The following LSAMP variants were observed in gnomAD, a reference collection of about 807,000 sequenced individuals.
The protein encoded by LSAMP is limbic system-associated membrane protein.
A neutral mutation model predicts 38.6 loss-of-function variants in LSAMP; 7 were observed. That is an observed-to-expected ratio of 0.18 (90% confidence interval 0.10 to 0.34). LSAMP has a LOEUF of 0.34. Ranked by LOEUF, LSAMP falls within the 10% of genes least tolerant of loss-of-function variation. The pLI, the probability that LSAMP is intolerant of heterozygous loss-of-function variation, is 1.00. For missense variants in LSAMP, 313 were observed against 420.0 expected (o/e 0.75, Z 2.23); for synonymous variants, 154 against 166.8 (o/e 0.92, Z 0.59).
chr3:115,988,992 T>G (rs575272482), intron 3 of LSAMP, among the ~76,000 whole-genome samples: 34 of 152,210 alleles, frequency 2.2e-4, no homozygotes, highest in African/African-American at 6.0e-4. Flanking sequence ...ATAGCGTTTT[T>G]CTAAATGAGA....
chr3:116,273,188 T>C (rs2046996925), intron 1 of LSAMP, among the ~76,000 whole-genome samples: 1 of 152,040 alleles, frequency 6.6e-6, no homozygotes, highest in African/African-American at 2.4e-5. Flanking sequence ...TCCCTATCAA[T>C]CCTATCTCCA....
At chr3:116,024,905 C>T (rs1432075269) in intron 2 of LSAMP, among the ~76,000 whole-genome samples, 1 of 151,616 alleles carries the variant, frequency 6.6e-6, no homozygotes, top group East Asian at 1.9e-4. Context: ...ACAGCTAGAA[C>T]CAAAACCTAC....
intron 1 of LSAMP, among the ~76,000 whole-genome samples, chr3:116,424,342 G>C (rs1026559876): frequency 2.0e-5 from 3 of 152,166 alleles, no homozygotes; most frequent in African/African-American, 7.2e-5. Context: ...GAGCAAGAGA[G>C]AGCAGTTTAT....
intron 1 of LSAMP, among the ~76,000 whole-genome samples, chr3:116,102,273 T>C (rs924785035): frequency 2.0e-5 from 3 of 152,234 alleles, no homozygotes; most frequent in Admixed American, 6.5e-5. Flanking sequence ...TTAATTTTGG[T>C]AAATACCATC....
intron 1 of LSAMP, among the ~76,000 whole-genome samples, chr3:116,351,437 G>A (rs923272266): frequency 6.6e-6 from 1 of 152,056 alleles, no homozygotes; most frequent in African/African-American, 2.4e-5. Context: ...AATGGCAGGA[G>A]AGTTCACCAT....
chr3:116,109,638 T>G (rs1178560849), intron 1 of LSAMP, among the ~76,000 whole-genome samples: 3 of 152,080 alleles, frequency 2.0e-5, no homozygotes, highest in Admixed American at 2.0e-4. Flanking sequence ...AACTACTGTC[T>G]AGTTTGTATT....
chr3:116,236,844 T>G (rs575536023), intron 1 of LSAMP, among the ~76,000 whole-genome samples: 22 of 124,064 alleles, frequency 1.8e-4, no homozygotes, highest in African/African-American at 5.7e-4. Context: ...AACATTAGTC[T>G]GCCTATATGG....
At chr3:115,869,920 A>G (rs1054139985) in intron 3 of LSAMP, among the ~76,000 whole-genome samples, 24 of 152,140 alleles carry the variant, frequency 1.6e-4, no homozygotes, top group African/African-American at 5.3e-4. Flanking sequence ...TTTGGGAACC[A>G]GGAGCATTAT....
chr3:116,298,383 C>T (rs1242114350), intron 1 of LSAMP, among the ~76,000 whole-genome samples: 1 of 151,972 alleles, frequency 6.6e-6, no homozygotes, highest in East Asian at 1.9e-4. Flanking sequence ...TTTGCTGGCT[C>T]CACATGTCTG....
At chr3:116,382,078 T>C (rs778209239) in intron 1 of LSAMP, among the ~76,000 whole-genome samples, 5 of 152,242 alleles carry the variant, frequency 3.3e-5, no homozygotes, top group Middle Eastern at 3.4e-3. Context: ...AGTTCAACCA[T>C]TGTGGAAGTC....
At chr3:115,830,906 A>G (rs1576121734) in intron 6 of LSAMP, among the ~76,000 whole-genome samples, 1 of 152,224 alleles carries the variant, frequency 6.6e-6, no homozygotes, top group African/African-American at 2.4e-5. Context: ...TTCTGATGCC[A>G]GGCCTGCCTG....
chr3:116,413,922 A>T (rs1377150741), intron 1 of LSAMP, among the ~76,000 whole-genome samples: 2 of 151,892 alleles, frequency 1.3e-5, no homozygotes, highest in Non-Finnish European at 2.9e-5. Flanking sequence ...AACAAACCAA[A>T]AAAACAGGAA....
chr3:116,221,844 AGTGTGT>A (rs58596077), intron 1 of LSAMP, among the ~76,000 whole-genome samples: 120 of 145,474 alleles, frequency 8.2e-4, no homozygotes, highest in African/African-American at 1.2e-3. Context: ...CCTAAAAAGA[AGTGTGT>A]GTGTGTGTGT....
rs35263381 is a variant in LSAMP, at chr3:115,854,282, ATTTTTT to A, written c.515-1671_515-1666del. Among the ~76,000 whole-genome samples the A allele has an allele frequency of 1.9e-3, 208 of 107,028 alleles. 1 individual carries two copies. The highest frequency in any genetic ancestry group is 5.9e-3 in the African/African-American group (160 of 27,228). 70.2% of individuals were successfully genotyped at this position (107,028 alleles called of 152,430 possible). A position where few individuals can be genotyped will look rare whatever the true frequency, so the allele number is the denominator to read the frequency against. On this transcript the variant is annotated intron_variant, in intron 3 of 6. Transcript: ENST00000490035. ...TATTATTATTATTATTATTATTATT[ATTTTTT>A]TTTTTTTTTTTTGAGATGGAGTCCC...
At chr3:115,811,505 CTG>C (rs1287123088) in intron 6 of LSAMP, among the ~76,000 whole-genome samples, 9 of 152,138 alleles carry the variant, frequency 5.9e-5, no homozygotes, top group African/African-American at 2.2e-4. Context: ...ACTGGTGTGA[CTG>C]TAATTGTCAG....
chr3:116,384,541 A>G (rs922195650), intron 1 of LSAMP, among the ~76,000 whole-genome samples: 1 of 152,128 alleles, frequency 6.6e-6, no homozygotes, highest in Non-Finnish European at 1.5e-5. Flanking sequence ...ATTCTGAAAC[A>G]TATAATTAGA....
intron 2 of LSAMP, among the ~76,000 whole-genome samples, chr3:116,045,607 A>G (rs950472503): frequency 1.3e-5 from 2 of 151,696 alleles, no homozygotes; most frequent in Admixed American, 6.6e-5. Flanking sequence ...ATCATCTCCA[A>G]TTGCAAAGCA....
chr3:115,916,687 A>T (rs901674730), intron 3 of LSAMP, among the ~76,000 whole-genome samples: 2 of 152,204 alleles, frequency 1.3e-5, no homozygotes, highest in Non-Finnish European at 2.9e-5. Context: ...GAAACAGATG[A>T]ATGTAATTTC....
At chr3:115,874,111 C>T (rs370649755) in intron 3 of LSAMP, among the ~76,000 whole-genome samples, 5 of 152,248 alleles carry the variant, frequency 3.3e-5, no homozygotes, top group African/African-American at 1.2e-4. Context: ...TGAATATTGC[C>T]TCTGAATATT....
Sources: allele counts gnomAD v4.1 joint callset (sites outside exome capture counted in the v4.1 genomes callset), GRCh38; gene constraint gnomAD v4.1.1; transcripts MANE v1.5; gene names NCBI Gene and HGNC (gene_info 2026-07-23, HGNC 2026-07-21).